Variants in CACNA1D observed in about 807,000 individuals in gnomAD.
CACNA1D encodes voltage-dependent L-type calcium channel subunit alpha-1D.
A neutral mutation model predicts 257.1 loss-of-function variants in CACNA1D; 55 were observed. The observed-to-expected ratio is 0.21, with a 90% CI of 0.17 to 0.27. The LOEUF is 0.27. Among genes scored for constraint, CACNA1D ranks in the 10% least tolerant of loss-of-function variants. The pLI is 1.00. For missense variants in CACNA1D, 1,876 were observed against 2,784.0 expected (o/e 0.67, Z 7.34); for synonymous variants, 980 against 1,014.9 (o/e 0.97, Z 0.65).
intron 20 of CACNA1D, among the ~76,000 whole-genome samples, chr3:53,739,397 G>A (rs773582183): frequency 7.9e-5 from 12 of 152,280 alleles, no homozygotes; most frequent in East Asian, 7.7e-4. Context: ...AGGGTGCTAC[G>A]GTCAGAAGCT....
In CACNA1D at chr3:53,497,372, C is replaced by T; in HGVS notation, c.288C>T (p.Asn96=). 2 of 1,614,210 alleles carry T rather than the reference C, an allele frequency of 1.2e-6. No homozygotes were observed. The highest frequency in any genetic ancestry group is 2.2e-5 in the South Asian group (2 of 91,080). Reference sequence around the variant, plus strand: ...ACGCCAAGAGCAAAAAACAGGGTAACTCGTCCAACAGCCGACCTGCCCGCG... The same window carrying T: ...ACGCCAAGAGCAAAAAACAGGGTAATTCGTCCAACAGCCGACCTGCCCGCG... ...QQYAKSKKQG[N]SSNSRPARAL... is the part of the protein sequence containing the mutation. Residue 96 remains asparagine, a synonymous_variant, in exon 2 of 48, where the codon AAC becomes AAT. Coordinates refer to ENST00000350061, the MANE Select transcript of CACNA1D (RefSeq NM_001128840.3).
chr3:53,763,627 G>A (rs2095316290), intron 30 of CACNA1D, among the ~76,000 whole-genome samples: 1 of 152,224 alleles, frequency 6.6e-6, no homozygotes, highest in Non-Finnish European at 1.5e-5. Context: ...TGCCCCTGAT[G>A]CTCTGCCTGG....
At chr3:53,515,420 G>A (rs1046934868) in intron 3 of CACNA1D, among the ~76,000 whole-genome samples, 2 of 152,188 alleles carry the variant, frequency 1.3e-5, no homozygotes, top group African/African-American at 2.4e-5. Flanking sequence ...TGCGTGGTCA[G>A]GGACGGCCTA....
intron 3 of CACNA1D, among the ~76,000 whole-genome samples, chr3:53,565,223 T>C (rs559945889): frequency 2.1e-4 from 32 of 152,338 alleles, no homozygotes; most frequent in Middle Eastern, 6.8e-3. Flanking sequence ...ATAATAATTC[T>C]TGATATCAGT....
At chr3:53,513,665 G>A (rs1256310095) in intron 3 of CACNA1D, among the ~76,000 whole-genome samples, 1 of 152,140 alleles carries the variant, frequency 6.6e-6, no homozygotes, top group African/African-American at 2.4e-5. Context: ...TGTAGTCTGA[G>A]TGTACGGTAT....
intron 4 of CACNA1D, among the ~76,000 whole-genome samples, chr3:53,659,153 A>G (rs1229803052): frequency 6.6e-6 from 1 of 152,244 alleles, no homozygotes; most frequent in Non-Finnish European, 1.5e-5. Context: ...ACGAGCAATA[A>G]TTCCAAAGAG....
intron 5 of CACNA1D, among the ~76,000 whole-genome samples, chr3:53,664,961 T>G (rs1461406707): frequency 1.3e-5 from 2 of 152,204 alleles, no homozygotes; most frequent in African/African-American, 2.4e-5. Flanking sequence ...CTTGCAAGAC[T>G]GCATTCTTCT....
At chr3:53,652,149 C>G (rs73090213) in intron 4 of CACNA1D, among the ~76,000 whole-genome samples, 1 of 152,136 alleles carries the variant, frequency 6.6e-6, no homozygotes, top group Non-Finnish European at 1.5e-5. Flanking sequence ...AATGGCAAGC[C>G]GAAGCCTTGC....
At chr3:53,532,328 T>G (rs893629695) in intron 3 of CACNA1D, among the ~76,000 whole-genome samples, 1 of 152,196 alleles carries the variant, frequency 6.6e-6, no homozygotes, top group Non-Finnish European at 1.5e-5. Context: ...GGTGAGACTT[T>G]AACCACATGA....
rs2094863619 is a variant in CACNA1D, at chr3:53,719,891, A to G, written c.1505+110A>G. The G allele has an allele frequency of 5.1e-6, 5 of 973,904 alleles. No homozygotes were observed. In the Admixed American group the frequency reaches 8.4e-5, roughly 16 times the overall value. 60.3% of individuals were successfully genotyped at this position (973,904 alleles called of 1,614,324 possible). A position where few individuals can be genotyped will look rare whatever the true frequency, so the allele number is the denominator to read the frequency against. ...GGACTTGAGTTTTCCTCTGTGGATT[A>G]TAACATTGATACTGAATTGCAGTCA... On this transcript the variant is annotated intron_variant, in intron 11 of 47. Coordinates refer to ENST00000350061, the MANE Select transcript of CACNA1D (RefSeq NM_001128840.3).
chr3:53,558,279 T>A (rs548789866), intron 3 of CACNA1D, among the ~76,000 whole-genome samples: 1 of 152,348 alleles, frequency 6.6e-6, no homozygotes, highest in East Asian at 1.9e-4. Context: ...GGCCTTATAG[T>A]ATTCCCTCCT....
In CACNA1D at chr3:53,565,036, G is replaced by T. The variant is rs902292934; in HGVS notation, c.483+63316G>T. Among the ~76,000 whole-genome samples, 9 of 151,866 alleles carry T rather than the reference G, an allele frequency of 5.9e-5. No individual in the cohort carries two copies. The South Asian group carries it at 1.9e-3, about 32-fold the overall frequency. ...GGCCCAGTTTAATTTTTTTCCATGT[G>T]GATTATCAGTGTTTCAGCACAGATT... On this transcript the variant is annotated intron_variant, in intron 3 of 47. Coordinates refer to ENST00000350061, the MANE Select transcript of CACNA1D (RefSeq NM_001128840.3).
chr3:53,563,393 G>T (rs1442974171), intron 3 of CACNA1D, among the ~76,000 whole-genome samples: 3 of 152,134 alleles, frequency 2.0e-5, no homozygotes, highest in Non-Finnish European at 4.4e-5. Context: ...GCGTGGTCGT[G>T]GGCGCCTGTA....
chr3:53,639,246 C>G (rs1207170683), intron 3 of CACNA1D, among the ~76,000 whole-genome samples: 2 of 152,128 alleles, frequency 1.3e-5, no homozygotes, highest in Admixed American at 6.5e-5. Flanking sequence ...ACTAAAAATA[C>G]AAAAATTCTC....
At chr3:53,567,570 C>G (rs1236824602) in intron 3 of CACNA1D, among the ~76,000 whole-genome samples, 2 of 152,134 alleles carry the variant, frequency 1.3e-5, no homozygotes, top group Non-Finnish European at 2.9e-5. Flanking sequence ...GGGTGAGCCT[C>G]AAGTGTTTGA....
At chr3:53,521,373 A>G (rs907150200) in intron 3 of CACNA1D, among the ~76,000 whole-genome samples, 2 of 152,134 alleles carry the variant, frequency 1.3e-5, no homozygotes, top group African/African-American at 4.8e-5. Context: ...TCCTTCAAGC[A>G]CAAAAGTTTT....
intron 3 of CACNA1D, among the ~76,000 whole-genome samples, chr3:53,628,842 A>G (rs1299902276): frequency 6.6e-6 from 1 of 152,252 alleles, no homozygotes; most frequent in Non-Finnish European, 1.5e-5. Context: ...TTTTGCTAGT[A>G]TTCCATGCAT....
chr3:53,525,157 G>T (rs1041445636), intron 3 of CACNA1D, among the ~76,000 whole-genome samples: 1 of 152,142 alleles, frequency 6.6e-6, no homozygotes, highest in African/African-American at 2.4e-5. Flanking sequence ...ATCCTTACTC[G>T]AGTTGGCAAG....
intron 16 of CACNA1D, 35 bp from the exon 17 acceptor site, chr3:53,731,042 A>T: frequency 3.1e-6 from 4 of 1,281,746 alleles, no homozygotes; most frequent in Non-Finnish European, 4.6e-6. Context: ...TAACATGGTT[A>T]TTTGGTTTCT....
Sources: allele counts gnomAD v4.1 joint callset (sites outside exome capture counted in the v4.1 genomes callset), GRCh38; gene constraint gnomAD v4.1.1; transcripts MANE v1.5; gene names NCBI Gene and HGNC (gene_info 2026-07-23, HGNC 2026-07-21).